The following ADGRA2 variants were observed in gnomAD, a reference collection of about 807,000 sequenced individuals.
ADGRA2 encodes the protein G-protein coupled receptor 124.
Under a neutral mutation model 98.7 loss-of-function variants are expected in ADGRA2, and 61 were observed. The observed-to-expected ratio is 0.62, with a 90% CI of 0.50 to 0.76. ADGRA2 has a LOEUF of 0.76. Ranked by LOEUF, ADGRA2 falls within the 30% of genes least tolerant of loss-of-function variation. The pLI, the probability that ADGRA2 is intolerant of heterozygous loss-of-function variation, is 0.00. For synonymous variants in ADGRA2, 858 were observed against 831.5 expected (o/e 1.03, Z -0.55); for missense variants, 1,712 against 1,860.0 (o/e 0.92, Z 1.46).
At chr8:37,800,202 C>A (rs901591806) in intron 1 of ADGRA2, among the ~76,000 whole-genome samples, 1 of 152,208 alleles carries the variant, frequency 6.6e-6, no homozygotes. Flanking sequence ...ATTACTGTTA[C>A]GCACACATGT....
chr8:37,844,752 T>C lies in ADGRA2; in HGVS notation c.*2397T>C. 6.2e-7 allele frequency: 1 copy of C among 1,614,078 alleles called. No homozygotes were observed. The highest frequency in any genetic ancestry group is 8.5e-7 in the Non-Finnish European group (1 of 1,179,996). ...ATTATTTCCCACCTCCCCTTCTCCT[T>C]GCCCCTGTCCCCACCCCGGTGGCTC... On this transcript the variant is annotated 3_prime_UTR_variant, in exon 19 of 19. Coordinates refer to ENST00000412232, the MANE Select transcript of ADGRA2 (RefSeq NM_032777.10).
intron 1 of ADGRA2, among the ~76,000 whole-genome samples, chr8:37,798,285 C>T (rs1804401977): frequency 6.6e-6 from 1 of 152,226 alleles, no homozygotes; most frequent in African/African-American, 2.4e-5. Flanking sequence ...ATTGACTTCG[C>T]GCAAAGATTG....
Position 37,844,381 on chromosome 8 carries a change from C to G in ADGRA2, c.*2026C>G. On this transcript the variant is annotated 3_prime_UTR_variant, in exon 19 of 19. Transcript: ENST00000412232. ...ATGGCAGAGCCCCTCTTGGTTCCTT[C>G]AAACAAGAAAAGCAATACCTACGGA... is the stretch of plus-strand genomic sequence containing the variant. 11 of 1,460,718 alleles carry G rather than the reference C, an allele frequency of 7.5e-6. No homozygotes were observed. The highest frequency in any genetic ancestry group is 1.0e-5 in the Non-Finnish European group (11 of 1,076,938). The allele number at this position is 1,460,718 out of a possible 1,614,324, so 90.5% of individuals were successfully genotyped here.
chr8:37,838,089 G>A, intron 14 of ADGRA2, 150 bp downstream of exon 14: 1 of 689,606 alleles, frequency 1.5e-6, no homozygotes, highest in Non-Finnish European at 2.3e-6. Context: ...GGGATGTGGG[G>A]AAATGGCCCT....
intron 2 of ADGRA2, among the ~76,000 whole-genome samples, chr8:37,816,927 A>AACTCACAC (rs869296926): frequency 4.5e-5 from 6 of 131,996 alleles, no homozygotes; most frequent in South Asian, 2.6e-4. Context: ...AAGAAAGCAA[A>AACTCACAC]ACACACACAC....
chr8:37,835,393 A>G lies in ADGRA2; in HGVS notation c.1828A>G (p.Ile610Val). Residue 610 changes from isoleucine (I) to valine (V), a missense_variant, in exon 12 of 19, where the codon ATC (isoleucine) becomes GTC (valine). Physicochemically the swap from Ile to Val is conservative, Grantham distance 29. Transcript: ENST00000412232. ...CAATGTTTCTCTGTCGTCCTTCCAC[A>G]TCAAGGTGGGCGCTGGGGGAGGGAG... ...RPNVSLSSFH[I>V]KNSVALASIQ... 1.2e-6 allele frequency: 2 copies of G among 1,607,904 alleles called. No individual in the cohort carries two copies. Among genetic ancestry groups the G allele is most frequent in the South Asian group, 1.1e-5 (1 of 90,846 alleles).
intron 3 of ADGRA2, 31 bp downstream of exon 3, chr8:37,828,990 C>T (rs1805372184): frequency 6.7e-7 from 1 of 1,486,080 alleles, no homozygotes; most frequent in Non-Finnish European, 9.1e-7. Context: ...TGACCCCACC[C>T]CTCCCCTCCC....
chr8:37,826,175 G>A (rs1022792259), intron 2 of ADGRA2, among the ~76,000 whole-genome samples: 10 of 152,208 alleles, frequency 6.6e-5, no homozygotes, highest in Non-Finnish European at 1.3e-4. Flanking sequence ...GCCCATGAAG[G>A]GAAGTGACAC....
chr8:37,827,680 C>T (rs1385577067), intron 2 of ADGRA2, among the ~76,000 whole-genome samples: 1 of 152,228 alleles, frequency 6.6e-6, no homozygotes, highest in African/African-American at 2.4e-5. Flanking sequence ...AACAAGCTGT[C>T]ACTTCCCTGG....
intron 13 of ADGRA2, among the ~76,000 whole-genome samples, chr8:37,837,259 G>T (rs995905725): frequency 7.9e-5 from 12 of 152,224 alleles, no homozygotes; most frequent in African/African-American, 2.9e-4. Flanking sequence ...GAGTGTGTGG[G>T]TTGAGGCGGG....
At chr8:37,813,539 GA>G (rs1243127438) in intron 1 of ADGRA2, among the ~76,000 whole-genome samples, 2 of 152,116 alleles carry the variant, frequency 1.3e-5, no homozygotes, top group Non-Finnish European at 2.9e-5. Flanking sequence ...AAGCATTTTG[GA>G]AACTCAGCCA....
chr8:37,831,012 A>T, intron 7 of ADGRA2, 89 bp downstream of exon 7: 1 of 929,542 alleles, frequency 1.1e-6, no homozygotes, highest in Non-Finnish European at 1.7e-6. Flanking sequence ...AGCTGCCCCC[A>T]GATGTGTTCC....
At position 37,842,327 on chromosome 8, in the gene ADGRA2, G is replaced by A. The variant is rs757967284; in HGVS notation, c.3989G>A (p.Gly1330Glu). 22 of 1,518,876 alleles carry A rather than the reference G, an allele frequency of 1.4e-5. No individual in the cohort carries two copies. Among genetic ancestry groups the A allele is most frequent in the South Asian group, 1.3e-5 (1 of 78,948 alleles). 94.1% of individuals were successfully genotyped at this position (1,518,876 alleles called of 1,614,324 possible). ...EVASGGCMKTGLWKSETTV is the reference protein window; with the variant it reads ...EVASGGCMKTELWKSETTV ...GCCAGCGGCGGCTGCATGAAGACCGGACTCTGGAAGAGCGAAACTACCGTC... is the reference window on the plus strand; with the variant it reads ...GCCAGCGGCGGCTGCATGAAGACCGAACTCTGGAAGAGCGAAACTACCGTC... Residue 1330 changes from glycine (G) to glutamate (E), a missense_variant, in exon 19 of 19, where the codon GGA becomes GAA. Transcript: ENST00000412232.
Position 37,797,512 on chromosome 8 carries a change from C to A in ADGRA2, c.244C>A (p.Leu82Met), listed in dbSNP as rs774253377. The part of the protein sequence containing the change: ...DLPEPPEPGL[L>M]PNGTVTLLLS... ...CCCGGAGCCTCCCGAGCCCGGCCTT[C>A]TGCCTAACGGCACCGTTACCCTGTG... The change falls in exon 1 of 19, where the codon CTG becomes ATG. Residue 82 changes from leucine (L) to methionine (M), a missense_variant. By Grantham distance (15) the Leu-to-Met change is conservative. Transcript: ENST00000412232. This position sits in a 1 kb window ranked among gnomAD's most constrained non-coding sequence, Gnocchi z 5.3. 1 of 1,405,476 alleles carries A rather than the reference C, an allele frequency of 7.1e-7. No individual in the cohort carries two copies. The highest frequency in any genetic ancestry group is 9.3e-7 in the Non-Finnish European group (1 of 1,076,228). The allele number at this position is 1,405,476 out of a possible 1,614,324, so 87.1% of individuals were successfully genotyped here. A position where few individuals can be genotyped will look rare whatever the true frequency, so the allele number is the denominator to read the frequency against.
At position 37,814,143 on chromosome 8, in the gene ADGRA2, G is replaced by C. The variant is rs1804916463; in HGVS notation, c.267-753G>C. On this transcript the variant is annotated intron_variant, in intron 1 of 18. Transcript: ENST00000412232. This position sits in a 1 kb window ranked among gnomAD's most constrained non-coding sequence, Gnocchi z 4.3. Reference sequence around the variant, plus strand: ...CTCCCTCCTCCCAGCAGGGAGCTTGGCAGAGAAAGGCTGAGTGGGTGGGCG... The same window carrying C: ...CTCCCTCCTCCCAGCAGGGAGCTTGCCAGAGAAAGGCTGAGTGGGTGGGCG... Among the ~76,000 whole-genome samples, 1 of 152,318 alleles carries C rather than the reference G, an allele frequency of 6.6e-6. No individual in the cohort carries two copies. Among genetic ancestry groups the C allele is most frequent in the South Asian group, 2.1e-4 (1 of 4,826 alleles).
chr8:37,831,419 G>A lies in ADGRA2; in HGVS notation c.933-4G>A, dbSNP rs192659470. On this transcript the variant is annotated splice_polypyrimidine_tract_variant and splice_region_variant and intron_variant, in intron 7 of 18. Transcript: ENST00000412232. ...CACGAGCCAGCTCCACCTGCCACCC[G>A]CAGTGAGCTGACGCTGTCTCACATC... 3.0e-4 allele frequency: 475 copies of A among 1,609,310 alleles called. 4 individuals carry two copies. The African/African-American group carries it at 5.6e-3, about 19-fold the overall frequency.
Position 37,830,788 on chromosome 8 carries a change from T to A in ADGRA2, c.797T>A (p.Phe266Tyr). ...QVVFQGDRLP[F>Y]QCSASYLGND... is the part of the protein sequence containing the mutation. ...GTGTTCCAGGGGGATCGGCTGCCCT[T>A]CCAGTGCTCTGCCAGCTACCTGGGC... is the stretch of plus-strand genomic sequence containing the variant. Residue 266 changes from phenylalanine to tyrosine, a missense_variant, in exon 7 of 19, where the codon TTC becomes TAC. Coordinates refer to ENST00000412232, the MANE Select transcript of ADGRA2 (RefSeq NM_032777.10). This position sits in a 1 kb window ranked among gnomAD's most constrained non-coding sequence, Gnocchi z 4.8. The A allele has an allele frequency of 6.3e-7, 1 of 1,595,914 alleles. No individual in the cohort carries two copies. The highest frequency in any genetic ancestry group is 1.7e-5 in the Admixed American group (1 of 57,838).
At chr8:37,816,894 C>A (rs528393067) in intron 2 of ADGRA2, among the ~76,000 whole-genome samples, 16 of 142,884 alleles carry the variant, frequency 1.1e-4, no homozygotes, top group Non-Finnish European at 2.3e-4. Context: ...CCAGCCTGGG[C>A]GACAGAGCAA....
chr8:37,821,043 C>A (rs923908944), intron 2 of ADGRA2, among the ~76,000 whole-genome samples: 27 of 152,128 alleles, frequency 1.8e-4, no homozygotes, highest in Admixed American at 9.2e-4. Context: ...GTACAGAAGA[C>A]CCACCTTGCA....
Sources: gnomAD v4.1 joint callset for allele counts (sites outside exome capture counted in the v4.1 genomes callset) on GRCh38, gnomAD v4.1.1 for gene constraint, Gnocchi (gnomAD v3.1) non-coding constraint, MANE v1.5 for transcripts, NCBI Gene and HGNC (gene_info 2026-07-23, HGNC 2026-07-21) for gene names.